Variants in MBTD1 observed in about 807,000 individuals in gnomAD.
The protein encoded by MBTD1 is mbt domain containing 1, also known as MBT domain-containing protein 1.
MBTD1 carries 24 observed loss-of-function variants against 87.8 expected under a neutral mutation model. The ratio of observed to expected loss-of-function variants is 0.27; its 90% CI spans 0.20 to 0.38. The LOEUF (loss-of-function observed/expected upper bound fraction) is 0.38, where lower values mean the gene tolerates loss of function less well. Among genes scored for constraint, MBTD1 ranks in the 10% least tolerant of loss-of-function variants. The probability of loss-of-function intolerance (pLI) is 1.00; values close to 1 mark genes in which losing one functional copy is unlikely to be tolerated. For missense variants in MBTD1, 436 were observed against 760.2 expected (o/e 0.57, Z 5.02); for synonymous variants, 237 against 248.6 (o/e 0.95, Z 0.44).
At chr17:51,207,404 AAC>A (rs1329492545) in intron 6 of MBTD1, among the ~76,000 whole-genome samples, 3 of 152,206 alleles carry the variant, frequency 2.0e-5, no homozygotes, top group Admixed American at 2.0e-4. Context: ...CAGAAAGAAA[AAC>A]AATTCCAATC....
intron 2 of MBTD1, among the ~76,000 whole-genome samples, chr17:51,233,023 A>G (rs558568487): frequency 7.7e-6 from 1 of 130,196 alleles, no homozygotes; most frequent in East Asian, 2.4e-4. Flanking sequence ...GCTCCACTGC[A>G]CTCCAGCCTA....
At chr17:51,213,590 C>A (rs2052385827) in intron 6 of MBTD1, among the ~76,000 whole-genome samples, 1 of 151,178 alleles carries the variant, frequency 6.6e-6, no homozygotes, top group African/African-American at 2.4e-5. Flanking sequence ...GGGTTAAAGC[C>A]CAAAGCTGAA....
Position 51,178,777 on chromosome 17 carries a change from CAT to C in MBTD1, c.*1797_*1798del, listed in dbSNP as rs1184534928. On this transcript the variant is annotated 3_prime_UTR_variant, in exon 17 of 17. Transcript: ENST00000586178. ...CAGCTGAATTCACATATATTTGACA[CAT>C]GAGAATCAACTTGCGTTGATGTGAT... 3 of 152,320 alleles carry C rather than the reference CAT, an allele frequency of 2.0e-5. No homozygotes were observed. The highest frequency in any genetic ancestry group is 1.9e-4 in the East Asian group (1 of 5,186). The allele number at this position is 152,320 out of a possible 1,614,324, so 9.4% of individuals were successfully genotyped here.
chr17:51,196,784 A>T lies in MBTD1; in HGVS notation c.1225-1423T>A, dbSNP rs1300361282. ...TGGGGGCCTGTAATCCCAGCTACTTAGGAGGCTGAGGCAGGGAGAATTGCT... is the reference window on the plus strand; with the variant it reads ...TGGGGGCCTGTAATCCCAGCTACTTTGGAGGCTGAGGCAGGGAGAATTGCT... On this transcript the variant is annotated intron_variant, in intron 12 of 16. Coordinates refer to ENST00000586178, the MANE Select transcript of MBTD1 (RefSeq NM_017643.3). 2.0e-5 allele frequency among the ~76,000 whole-genome samples: 3 copies of T among 151,494 alleles called. No homozygotes were observed. The East Asian group carries it at 6.0e-4, about 30-fold the overall frequency.
At position 51,220,314 on chromosome 17, in the gene MBTD1, G is replaced by A; in HGVS notation, c.288+16C>T. 2 of 1,539,478 alleles carry A rather than the reference G, an allele frequency of 1.3e-6. No homozygotes were observed. The highest frequency in any genetic ancestry group is 1.8e-6 in the Non-Finnish European group (2 of 1,140,668). Reference sequence around the variant, plus strand: ...AGAAATAATGGATATAAGTAAGAAAGTTTCTGTACCGTTACCTGAAGTCTG... The same window carrying A: ...AGAAATAATGGATATAAGTAAGAAAATTTCTGTACCGTTACCTGAAGTCTG... On this transcript the variant is annotated intron_variant, in intron 4 of 16. Coordinates refer to ENST00000586178, the MANE Select transcript of MBTD1 (RefSeq NM_017643.3).
intron 2 of MBTD1, among the ~76,000 whole-genome samples, chr17:51,252,314 CCTT>C (rs1197739497): frequency 2.0e-5 from 3 of 152,096 alleles, no homozygotes; most frequent in African/African-American, 7.2e-5. Flanking sequence ...TAAATTTTAA[CCTT>C]CTTTCTCCCC....
At chr17:51,243,219 G>C (rs1329988089) in intron 2 of MBTD1, among the ~76,000 whole-genome samples, 1 of 151,888 alleles carries the variant, frequency 6.6e-6, no homozygotes, top group Non-Finnish European at 1.5e-5. Flanking sequence ...TGCTGGGAAT[G>C]TATTGCCAAG....
chr17:51,217,104 T>G (rs778514842), intron 6 of MBTD1, among the ~76,000 whole-genome samples: 171 of 152,104 alleles, frequency 1.1e-3, no homozygotes, highest in Non-Finnish European at 1.8e-3. Context: ...CTAGTACTTC[T>G]CCCTGTTTAA....
intron 2 of MBTD1, among the ~76,000 whole-genome samples, chr17:51,225,585 C>T (rs1054089891): frequency 3.3e-5 from 5 of 151,130 alleles, no homozygotes; most frequent in Non-Finnish European, 5.9e-5. Context: ...TTTAATTCCT[C>T]GTCTCAAGCA....
rs1568136300 is a variant in MBTD1 at position 51,179,516 on chromosome 17, A to ATATT, written c.*1059_*1060insAATA. 2.4e-3 allele frequency: 213 copies of ATATT among 87,954 alleles called. 14 individuals are homozygous for ATATT. Among genetic ancestry groups the ATATT allele is most frequent in the African/African-American group, 7.4e-3 (151 of 20,402 alleles). 5.4% of individuals were successfully genotyped at this position (87,954 alleles called of 1,614,324 possible). A position where few individuals can be genotyped will look rare whatever the true frequency, so the allele number is the denominator to read the frequency against. ...TATATATATATATATATATATATATATATATATATATATATATATATGGAA... is the reference window on the plus strand; with the variant it reads ...TATATATATATATATATATATATATATATTTATATATATATATATATATATGGAA... On this transcript the variant is annotated 3_prime_UTR_variant, in exon 17 of 17. Transcript: ENST00000586178.
rs142009539 is a variant in MBTD1 at position 51,203,172 on chromosome 17, C to A, written c.796G>T (p.Ala266Ser). ...GAGAAATCAGGAGGCAGTGTTTTGG[C>A]ACCAGTAAGTCGTTTCACTAGAAAA... is the stretch of plus-strand genomic sequence containing the variant. ...KAFLVKRLTG[A>S]KTLPPDFSQK... Residue 266 changes from alanine to serine, a missense_variant, in exon 9 of 17, where the codon GCC becomes TCC. Physicochemically the swap from Ala to Ser is moderately conservative, Grantham distance 99 (BLOSUM62 1). Transcript: ENST00000586178. 2.2e-5 allele frequency: 35 copies of A among 1,592,040 alleles called. No homozygotes were observed. The African/African-American group carries it at 4.5e-4, about 20-fold the overall frequency.
chr17:51,218,888 C>A, intron 5 of MBTD1, 42 bp downstream of exon 5: 1 of 1,116,732 alleles, frequency 9.0e-7, no homozygotes, highest in Non-Finnish European at 1.3e-6. Flanking sequence ...CTAAATGAAT[C>A]AATGTCATAT....
intron 2 of MBTD1, among the ~76,000 whole-genome samples, chr17:51,236,596 T>A (rs1332829782): frequency 1.3e-5 from 2 of 152,152 alleles, no homozygotes; most frequent in Non-Finnish European, 2.9e-5. Flanking sequence ...GTCTTGTTCA[T>A]CTTCTGGCCC....
At chr17:51,216,827 T>C (rs527994348) in intron 6 of MBTD1, among the ~76,000 whole-genome samples, 1 of 152,240 alleles carries the variant, frequency 6.6e-6, no homozygotes, top group African/African-American at 2.4e-5. Flanking sequence ...CAAGTGATCC[T>C]CCTGCCTCAT....
intron 6 of MBTD1, among the ~76,000 whole-genome samples, chr17:51,213,893 T>C (rs2052404316): frequency 6.6e-6 from 1 of 151,798 alleles, no homozygotes; most frequent in Non-Finnish European, 1.5e-5. Flanking sequence ...AAAAGGGGAA[T>C]TCTTGCCAAT....
chr17:51,216,051 C>T (rs925811540), intron 6 of MBTD1, among the ~76,000 whole-genome samples: 1 of 150,956 alleles, frequency 6.6e-6, no homozygotes, highest in Admixed American at 6.6e-5. Flanking sequence ...CATGCCTCAG[C>T]CTCTCGAGTA....
chr17:51,246,773 C>T (rs1278624071), intron 2 of MBTD1, among the ~76,000 whole-genome samples: 3 of 152,020 alleles, frequency 2.0e-5, no homozygotes, highest in African/African-American at 4.8e-5. Flanking sequence ...GTAGCTGGGA[C>T]TACAGGCACG....
intron 2 of MBTD1, among the ~76,000 whole-genome samples, chr17:51,258,762 A>C (rs565421075): frequency 1.1e-3 from 168 of 152,356 alleles, no homozygotes; most frequent in Admixed American, 2.2e-3. Flanking sequence ...TCCTAAGAGA[A>C]AACAGGCACG....
chr17:51,180,489 G>GT lies in MBTD1; in HGVS notation c.*86dup. ...CTTCTATGTTTAGCAAAATGTCCCA[G>GT]TAGAGTAGCCCCCTGTACAGCTGGA... On this transcript the variant is annotated 3_prime_UTR_variant, in exon 17 of 17. Coordinates refer to ENST00000586178, the MANE Select transcript of MBTD1 (RefSeq NM_017643.3). The GT allele has an allele frequency of 2.3e-6, 1 of 430,140 alleles. No individual in the cohort carries two copies. Among genetic ancestry groups the GT allele is most frequent in the Non-Finnish European group, 3.8e-6 (1 of 263,192 alleles). 26.6% of individuals were successfully genotyped at this position (430,140 alleles called of 1,614,324 possible).
Sources: allele counts gnomAD v4.1 joint callset (sites outside exome capture counted in the v4.1 genomes callset), GRCh38; gene constraint gnomAD v4.1.1; transcripts MANE v1.5; gene names NCBI Gene and HGNC (gene_info 2026-07-23, HGNC 2026-07-21).